The following BICDL1 variants were observed in gnomAD, a reference collection of about 807,000 sequenced individuals.
BICDL1 encodes the protein BICD family-like cargo adapter 1.
In BICDL1, 20 loss-of-function variants were observed where a neutral mutation model predicts 76.8. That is an observed-to-expected ratio of 0.26 (90% confidence interval 0.18 to 0.38). The LOEUF (loss-of-function observed/expected upper bound fraction) is 0.38, where lower values mean the gene tolerates loss of function less well. BICDL1 is among the 10% of genes least tolerant of loss of function. The pLI, the probability that BICDL1 is intolerant of heterozygous loss-of-function variation, is 1.00. For missense variants in BICDL1, 700 were observed against 798.6 expected (o/e 0.88, Z 1.49); for synonymous variants, 383 against 337.1 (o/e 1.14, Z -1.49).
intron 9 of BICDL1, chr12:120,091,165 C>T: frequency 8.3e-7 from 1 of 1,206,584 alleles, no homozygotes; most frequent in Non-Finnish European, 1.1e-6. Flanking sequence ...AGTCCCAGCT[C>T]CCTCCTCCAT....
chr12:119,998,609 A>T lies in BICDL1; in HGVS notation c.518A>T (p.Asp173Val), dbSNP rs1259250078. Residue 173 changes from aspartate to valine, a missense_variant, in exon 2 of 10, where the codon GAT becomes GTT. Around this residue, in one of 3 missense-constraint regions of BICDL1, gnomAD observed 20 missense variants for 50.3 expected, o/e 0.40. Coordinates refer to ENST00000548673, the MANE Select transcript of BICDL1 (RefSeq NM_001367886.1). ...GGCCGAGTGTCAGAGCTGGAGAGTG[A>T]TGTGAAGCAGCTACAGGATGAGTTG... ...WEGRVSELESDVKQLQDELER... is the reference protein window; with the variant it reads ...WEGRVSELESVVKQLQDELER... 6.2e-7 allele frequency: 1 copy of T among 1,614,128 alleles called. No individual in the cohort carries two copies. The highest frequency in any genetic ancestry group is 1.1e-5 in the South Asian group (1 of 91,062).
At chr12:120,070,415 A>G (rs900764539) in intron 4 of BICDL1, among the ~76,000 whole-genome samples, 1 of 152,096 alleles carries the variant, frequency 6.6e-6, no homozygotes, top group African/African-American at 2.4e-5. Context: ...CCTGAAAACC[A>G]CCAATCCCTG....
chr12:120,088,399 C>T (rs1285989317), intron 8 of BICDL1, among the ~76,000 whole-genome samples: 2 of 152,132 alleles, frequency 1.3e-5, no homozygotes, highest in African/African-American at 4.8e-5. Flanking sequence ...CTCTATTGCC[C>T]AGGCTGGAGT....
chr12:120,083,421 G>C (rs1187091085), intron 8 of BICDL1, among the ~76,000 whole-genome samples: 2 of 151,906 alleles, frequency 1.3e-5, no homozygotes, highest in Non-Finnish European at 2.9e-5. Flanking sequence ...ACCACACCTG[G>C]CTAGTTTTTG....
chr12:120,088,699 T>C (rs371904289), intron 8 of BICDL1, among the ~76,000 whole-genome samples: 1,491 of 141,066 alleles, frequency 0.011, 34 homozygotes, highest in Middle Eastern at 0.05. Context: ...CGGAGTCTTG[T>C]TCTGTCACCC....
intron 2 of BICDL1, among the ~76,000 whole-genome samples, chr12:120,005,016 T>C (rs910752503): frequency 2.0e-5 from 3 of 152,244 alleles, no homozygotes; most frequent in South Asian, 4.2e-4. Context: ...AGAAGCGGGA[T>C]TTCACCATGT....
intron 2 of BICDL1, among the ~76,000 whole-genome samples, chr12:120,025,532 C>G (rs1354811847): frequency 6.6e-6 from 1 of 152,164 alleles, no homozygotes; most frequent in Non-Finnish European, 1.5e-5. Context: ...TCAACCTGTC[C>G]TGCGTGGCTT....
intron 1 of BICDL1, among the ~76,000 whole-genome samples, chr12:119,998,050 G>C (rs887881308): frequency 6.6e-6 from 1 of 152,138 alleles, no homozygotes; most frequent in Admixed American, 6.5e-5. Flanking sequence ...AGAGGCGGAG[G>C]TTGTGGTGAG....
chr12:119,999,641 C>T (rs986444231), intron 2 of BICDL1: 1 of 282,752 alleles, frequency 3.5e-6, no homozygotes, highest in Admixed American at 5.1e-5. Context: ...GCTGTAAAAT[C>T]ATTTCAAGGA....
chr12:120,086,743 A>G (rs986660194), intron 8 of BICDL1, among the ~76,000 whole-genome samples: 2 of 152,262 alleles, frequency 1.3e-5, no homozygotes, highest in East Asian at 3.8e-4. Flanking sequence ...CAAGTCAGTT[A>G]CTAGTGGTTT....
intron 2 of BICDL1, among the ~76,000 whole-genome samples, chr12:120,005,741 A>G (rs534916477): frequency 2.0e-5 from 3 of 152,144 alleles, no homozygotes; most frequent in African/African-American, 7.2e-5. Context: ...AATTTTTTTT[A>G]AAGTATTTTA....
chr12:120,088,947 A>G (rs1203829724), intron 8 of BICDL1, among the ~76,000 whole-genome samples: 1 of 152,208 alleles, frequency 6.6e-6, no homozygotes, highest in East Asian at 1.9e-4. Flanking sequence ...TACAGGGGTG[A>G]GCCACCGCAC....
chr12:120,070,270 T>C (rs1055542021), intron 4 of BICDL1, among the ~76,000 whole-genome samples: 4 of 152,220 alleles, frequency 2.6e-5, no homozygotes, highest in Non-Finnish European at 5.9e-5. Context: ...ACACTTGATA[T>C]TATTTGTATT....
intron 7 of BICDL1, among the ~76,000 whole-genome samples, chr12:120,078,836 A>C (rs1443461832): frequency 6.6e-6 from 1 of 152,338 alleles, no homozygotes; most frequent in South Asian, 2.1e-4. Context: ...CTCTGCTGGC[A>C]GAATGTCCGA....
chr12:120,061,309 T>C (rs1953099372), intron 2 of BICDL1, among the ~76,000 whole-genome samples: 1 of 152,168 alleles, frequency 6.6e-6, no homozygotes. Context: ...CTTGAGGAAA[T>C]TGATGGGAGA....
At chr12:120,049,114 T>C (rs893639269) in intron 2 of BICDL1, among the ~76,000 whole-genome samples, 1 of 152,200 alleles carries the variant, frequency 6.6e-6, no homozygotes, top group Admixed American at 6.5e-5. Flanking sequence ...TGTCCTCTGC[T>C]AGAGTTTGTG....
intron 1 of BICDL1, among the ~76,000 whole-genome samples, chr12:119,992,061 CTAACATATACT>C (rs1273839393): frequency 6.6e-6 from 1 of 152,096 alleles, no homozygotes; most frequent in Non-Finnish European, 1.5e-5. Flanking sequence ...GTGAATATAA[CTAACATATACT>C]TAACATATAC....
intron 4 of BICDL1, among the ~76,000 whole-genome samples, chr12:120,068,211 G>T (rs1204725244): frequency 6.6e-6 from 1 of 152,212 alleles, no homozygotes; most frequent in African/African-American, 2.4e-5. Flanking sequence ...GTCTGAAAAA[G>T]ACCAGTGCAG....
intron 7 of BICDL1, among the ~76,000 whole-genome samples, 179 bp downstream of exon 7, chr12:120,074,765 G>A (rs1873402670): frequency 6.6e-6 from 1 of 152,218 alleles, no homozygotes; most frequent in African/African-American, 2.4e-5. Flanking sequence ...GAAGAACCCA[G>A]TCCTTTAGCC....
Sources: allele counts gnomAD v4.1 joint callset (sites outside exome capture counted in the v4.1 genomes callset), GRCh38; gene constraint gnomAD v4.1.1; regional missense constraint gnomAD v4.1.1; transcripts MANE v1.5; gene names NCBI Gene and HGNC (gene_info 2026-07-23, HGNC 2026-07-21).